Variants in PIGK observed in about 807,000 individuals in gnomAD.
PIGK encodes the protein phosphatidylinositol glycan anchor biosynthesis class K.
In PIGK, 42 loss-of-function variants were observed where a neutral mutation model predicts 50.6. The observed-to-expected ratio is 0.83, with a 90% CI of 0.65 to 1.07. The LOEUF is 1.07. Ranked by LOEUF, PIGK falls within the 50% of genes least tolerant of loss-of-function variation. The probability of loss-of-function intolerance (pLI) is 0.00; values close to 1 mark genes in which losing one functional copy is unlikely to be tolerated. For missense variants in PIGK, 448 were observed against 488.7 expected (o/e 0.92, Z 0.78); for synonymous variants, 151 against 156.0 (o/e 0.97, Z 0.24).
At chr1:77,206,762 A>G (rs777536076) in intron 2 of PIGK, 31 bp from the exon 3 acceptor site, 3 of 1,310,536 alleles carry the variant, frequency 2.3e-6, no homozygotes, top group Non-Finnish European at 3.3e-6. Flanking sequence ...CAGAATTTTT[A>G]TGCATCAAGG....
At chr1:77,112,455 G>A (rs1653876502) in intron 10 of PIGK, among the ~76,000 whole-genome samples, 1 of 152,006 alleles carries the variant, frequency 6.6e-6, no homozygotes. Context: ...TGATACTTCT[G>A]GTAATGTTTT....
At chr1:77,114,252 T>C (rs1020687812) in intron 10 of PIGK, among the ~76,000 whole-genome samples, 8 of 152,132 alleles carry the variant, frequency 5.3e-5, no homozygotes, top group Non-Finnish European at 1.0e-4. Flanking sequence ...ACTTATAAGA[T>C]AGAAGATCTT....
chr1:77,138,969 A>C (rs1293379297), intron 9 of PIGK, among the ~76,000 whole-genome samples: 2 of 152,146 alleles, frequency 1.3e-5, no homozygotes, highest in Non-Finnish European at 2.9e-5. Context: ...TAGCCAAGGC[A>C]AGAGAAACGT....
chr1:77,192,492 G>A (rs1016715117), intron 3 of PIGK, among the ~76,000 whole-genome samples: 2 of 151,872 alleles, frequency 1.3e-5, no homozygotes, highest in Non-Finnish European at 2.9e-5. Context: ...TAAACTTTAC[G>A]GAATAATGGA....
chr1:77,214,757 C>T (rs1057485036), intron 1 of PIGK, among the ~76,000 whole-genome samples: 2 of 152,096 alleles, frequency 1.3e-5, no homozygotes, highest in Non-Finnish European at 2.9e-5. Context: ...AAAACCTAAA[C>T]ACTCCACAAA....
At chr1:77,180,608 A>T (rs1043376984) in intron 3 of PIGK, among the ~76,000 whole-genome samples, 2 of 146,060 alleles carry the variant, frequency 1.4e-5, no homozygotes, top group Non-Finnish European at 3.0e-5. Context: ...TTAGAGCACA[A>T]GTTGGTTTTT....
chr1:77,176,693 A>G (rs1449771324), intron 3 of PIGK, among the ~76,000 whole-genome samples: 1 of 152,194 alleles, frequency 6.6e-6, no homozygotes, highest in Non-Finnish European at 1.5e-5. Context: ...TCCTGATAAC[A>G]TAAGTCAAAT....
At chr1:77,196,981 T>C (rs940417115) in intron 3 of PIGK, among the ~76,000 whole-genome samples, 7 of 152,182 alleles carry the variant, frequency 4.6e-5, no homozygotes, top group Non-Finnish European at 7.3e-5. Context: ...CCATCTTGAG[T>C]TAATTTTTGT....
At chr1:77,105,563 CAG>C (rs1257365204) in intron 10 of PIGK, among the ~76,000 whole-genome samples, 1 of 151,738 alleles carries the variant, frequency 6.6e-6, no homozygotes, top group Non-Finnish European at 1.5e-5. Flanking sequence ...AGAAGAAACA[CAG>C]AGAAAACTAC....
rs1654636749 is a variant in PIGK at position 77,140,934 on chromosome 1, G to A, written c.986+13515C>T. Among the ~76,000 whole-genome samples the A allele has an allele frequency of 2.0e-5, 3 of 152,070 alleles. No individual in the cohort carries two copies. In the East Asian group the frequency reaches 5.8e-4, roughly 29 times the overall value. Reference sequence around the variant, plus strand: ...TTACAACTGTATGTCACACTGTATAGTTCCTTATCACCTGTTTCAGTACCT... The same window carrying A: ...TTACAACTGTATGTCACACTGTATAATTCCTTATCACCTGTTTCAGTACCT... On this transcript the variant is annotated intron_variant, in intron 9 of 10. Coordinates refer to ENST00000370812, the MANE Select transcript of PIGK (RefSeq NM_005482.3).
chr1:77,140,220 T>C (rs1654616712), intron 9 of PIGK, among the ~76,000 whole-genome samples: 1 of 152,020 alleles, frequency 6.6e-6, no homozygotes, highest in African/African-American at 2.4e-5. Flanking sequence ...TAAAAGTGTG[T>C]GGCACCTCCC....
chr1:77,187,954 C>T (rs1655789233), intron 3 of PIGK, among the ~76,000 whole-genome samples: 1 of 152,186 alleles, frequency 6.6e-6, no homozygotes, highest in South Asian at 2.1e-4. Flanking sequence ...TTCATGGACA[C>T]TTATCACTTC....
At chr1:77,193,707 T>C (rs974746075) in intron 3 of PIGK, among the ~76,000 whole-genome samples, 2 of 152,190 alleles carry the variant, frequency 1.3e-5, no homozygotes, top group Non-Finnish European at 2.9e-5. Flanking sequence ...ATTCTAGTCA[T>C]TATTTTTAAT....
intron 10 of PIGK, among the ~76,000 whole-genome samples, chr1:77,118,028 AAAT>A (rs771625400): frequency 6.6e-6 from 1 of 152,202 alleles, no homozygotes. Context: ...TTTCTGATAA[AAAT>A]AAACAATTCT....
intron 3 of PIGK, among the ~76,000 whole-genome samples, chr1:77,186,918 C>T (rs759883872): frequency 2.0e-5 from 3 of 152,140 alleles, no homozygotes; most frequent in Admixed American, 6.5e-5. Context: ...TCTTCCATCA[C>T]GAAAAGGGCA....
At chr1:77,172,015 CT>C (rs1557813400) in intron 3 of PIGK, among the ~76,000 whole-genome samples, 2 of 151,502 alleles carry the variant, frequency 1.3e-5, no homozygotes, top group Admixed American at 1.3e-4. Flanking sequence ...TTTCCAAAAA[CT>C]AAATGCCTGC....
intron 10 of PIGK, among the ~76,000 whole-genome samples, chr1:77,097,239 T>C (rs1333495459): frequency 6.6e-6 from 1 of 152,072 alleles, no homozygotes; most frequent in Non-Finnish European, 1.5e-5. Context: ...AGCTCTCCTT[T>C]ATAGTCTTCC....
intron 9 of PIGK, among the ~76,000 whole-genome samples, chr1:77,126,455 C>T (rs112287218): frequency 3.3e-5 from 5 of 152,150 alleles, no homozygotes; most frequent in African/African-American, 1.2e-4. Flanking sequence ...AGTGTAGTTG[C>T]TTTAATAAGT....
chr1:77,166,872 T>A (rs772395983), intron 4 of PIGK, 42 bp from the exon 5 acceptor site: 20 of 906,092 alleles, frequency 2.2e-5, no homozygotes, highest in Non-Finnish European at 3.6e-6. Flanking sequence ...AAATAAAACC[T>A]GGGAAATCTT....
Sources: gnomAD v4.1 joint callset for allele counts (sites outside exome capture counted in the v4.1 genomes callset) on GRCh38, gnomAD v4.1.1 for gene constraint, MANE v1.5 for transcripts, NCBI Gene and HGNC (gene_info 2026-07-23, HGNC 2026-07-21) for gene names.